Variants in AK8 observed in about 807,000 individuals in gnomAD.
AK8 encodes the protein adenylate kinase 8.
A neutral mutation model predicts 54.6 loss-of-function variants in AK8; 44 were observed. That is an observed-to-expected ratio of 0.81 (90% CI 0.63 to 1.04). The LOEUF (loss-of-function observed/expected upper bound fraction) is 1.04. Ranked by LOEUF, AK8 falls within the 50% of genes least tolerant of loss-of-function variation. AK8 has a pLI of 0.00. For synonymous variants in AK8, 239 were observed against 245.6 expected (o/e 0.97, Z 0.25); for missense variants, 555 against 613.6 (o/e 0.90, Z 1.01).
intron 10 of AK8, among the ~76,000 whole-genome samples, chr9:132,802,847 C>A (rs1443533702): frequency 6.6e-6 from 1 of 152,172 alleles, no homozygotes; most frequent in African/African-American, 2.4e-5. Context: ...CCCTGACCCA[C>A]TAAATCAGGA....
chr9:132,732,958 G>A (rs1590166223), intron 11 of AK8, among the ~76,000 whole-genome samples: 1 of 152,088 alleles, frequency 6.6e-6, no homozygotes, highest in African/African-American at 2.4e-5. Context: ...CTCCTTCGAG[G>A]CCAGCTTCTC....
intron 11 of AK8, among the ~76,000 whole-genome samples, chr9:132,777,958 C>T (rs1839298212): frequency 6.6e-6 from 1 of 152,234 alleles, no homozygotes; most frequent in African/African-American, 2.4e-5. Context: ...GCAAAAACCT[C>T]AATCCCCAAG....
chr9:132,738,216 G>C (rs1457762734), intron 11 of AK8, among the ~76,000 whole-genome samples: 1 of 152,042 alleles, frequency 6.6e-6, no homozygotes, highest in East Asian at 1.9e-4. Context: ...ACCACGCCCG[G>C]CTAATTTTTT....
intron 3 of AK8, among the ~76,000 whole-genome samples, chr9:132,865,550 G>A (rs1041894105): frequency 1.3e-5 from 2 of 152,156 alleles, no homozygotes; most frequent in South Asian, 2.1e-4. Context: ...GGCCGGGCAC[G>A]GTGGCTCACG....
intron 11 of AK8, among the ~76,000 whole-genome samples, chr9:132,746,615 T>C (rs1308061303): frequency 3.9e-5 from 6 of 152,234 alleles, no homozygotes. Flanking sequence ...ATCCATCACT[T>C]TCCTCTTCCA....
At chr9:132,795,301 A>G (rs1427907529) in intron 10 of AK8, among the ~76,000 whole-genome samples, 3 of 150,780 alleles carry the variant, frequency 2.0e-5, no homozygotes, top group African/African-American at 7.5e-5. Context: ...TCCAAGAGTC[A>G]CAGTGTTGGG....
intron 11 of AK8, among the ~76,000 whole-genome samples, chr9:132,780,667 T>C (rs947118261): frequency 6.6e-6 from 1 of 152,216 alleles, no homozygotes; most frequent in Admixed American, 6.5e-5. Flanking sequence ...GTTTCCAGTT[T>C]GCACAAAATG....
intron 2 of AK8, 42 bp downstream of exon 2, chr9:132,875,073 G>A (rs1409229404): frequency 6.2e-7 from 1 of 1,611,256 alleles, no homozygotes; most frequent in African/African-American, 1.3e-5. Context: ...AGGAGGAGGG[G>A]AAGGGAAGAC....
intron 1 of AK8, among the ~76,000 whole-genome samples, chr9:132,876,720 T>G (rs1426041129): frequency 6.6e-6 from 1 of 152,144 alleles, no homozygotes; most frequent in Non-Finnish European, 1.5e-5. Context: ...AACATTATTT[T>G]AAAATCAAAA....
At chr9:132,771,522 A>G (rs1838978978) in intron 11 of AK8, among the ~76,000 whole-genome samples, 1 of 152,230 alleles carries the variant, frequency 6.6e-6, no homozygotes, top group Admixed American at 6.5e-5. Flanking sequence ...GGGGTCCTTC[A>G]TGGACTGAAA....
chr9:132,774,279 T>C (rs1839111230), intron 11 of AK8, among the ~76,000 whole-genome samples: 1 of 151,902 alleles, frequency 6.6e-6, no homozygotes, highest in Admixed American at 6.5e-5. Context: ...TTGGGGGTGG[T>C]CTGGAATCTG....
chr9:132,757,136 G>A (rs775325543), intron 11 of AK8, among the ~76,000 whole-genome samples: 5 of 152,062 alleles, frequency 3.3e-5, no homozygotes, highest in Admixed American at 2.0e-4. Flanking sequence ...AACGGAATGC[G>A]TGTGTCCAGG....
chr9:132,875,198 T>C lies in AK8; in HGVS notation c.86A>G (p.Asn29Ser), dbSNP rs1219323400. The change falls in exon 2 of 13, where the codon AAC becomes AGC. Residue 29 changes from asparagine to serine, a missense_variant and splice_region_variant. Transcript: ENST00000298545. The stretch of plus-strand genomic sequence containing the variant: ...GTGGATCAGGAGTTGCTCCAGCATG[T>C]TCTGTGGGTGCAGGGCAGACACCCA... ...EENHIFELMQ[N>S]MLEQLLIHQP... is the part of the protein sequence containing the mutation. The C allele has an allele frequency of 1.2e-6, 2 of 1,614,094 alleles. No homozygotes were observed. The highest frequency in any genetic ancestry group is 1.7e-6 in the Non-Finnish European group (2 of 1,179,992).
chr9:132,777,550 T>C (rs906215561), intron 11 of AK8, among the ~76,000 whole-genome samples: 2 of 152,238 alleles, frequency 1.3e-5, no homozygotes, highest in Non-Finnish European at 2.9e-5. Flanking sequence ...ATCTCAGTTG[T>C]ACAGAGTATT....
intron 3 of AK8, among the ~76,000 whole-genome samples, chr9:132,864,345 C>T (rs1843506370): frequency 6.6e-6 from 1 of 152,182 alleles, no homozygotes; most frequent in Non-Finnish European, 1.5e-5. Flanking sequence ...GAAGGCCCTT[C>T]CAGGGCCTGG....
At chr9:132,842,496 G>T (rs1038415282) in intron 5 of AK8, among the ~76,000 whole-genome samples, 5 of 152,220 alleles carry the variant, frequency 3.3e-5, no homozygotes, top group Admixed American at 2.0e-4. Flanking sequence ...CTCATCTGGG[G>T]CTGGGCAAGG....
At chr9:132,771,080 G>C (rs552281463) in intron 11 of AK8, among the ~76,000 whole-genome samples, 2 of 152,212 alleles carry the variant, frequency 1.3e-5, no homozygotes, top group Admixed American at 1.3e-4. Context: ...GAGCACAGGA[G>C]TCCAGGGACT....
chr9:132,795,686 C>T (rs971153573), intron 10 of AK8, among the ~76,000 whole-genome samples: 2 of 152,130 alleles, frequency 1.3e-5, no homozygotes, highest in Admixed American at 6.5e-5. Context: ...CGCAGCAAGC[C>T]TGACTGCCAA....
In AK8 at chr9:132,826,920, G is replaced by A. The variant is rs768142703; in HGVS notation, c.691C>T (p.Pro231Ser). The change falls in exon 8 of 13, where the codon CCC (proline) becomes TCC (serine). Residue 231 changes from proline to serine, a missense_variant. By Grantham distance (74) the Pro-to-Ser change is moderately conservative. Transcript: ENST00000298545. This position sits in a 1 kb window ranked among gnomAD's most constrained non-coding sequence, Gnocchi z 4.5. ...ACTTTGAGGATTTTGGGGTAGGAGG[G>A]AATGACCCTGACGATGTTCCTATGA... ...EYHRNIVRVIPSYPKILKVIS... is the reference protein window; with the variant it reads ...EYHRNIVRVISSYPKILKVIS... 7 of 1,614,230 alleles carry A rather than the reference G, an allele frequency of 4.3e-6. No individual in the cohort carries two copies. Among genetic ancestry groups the A allele is most frequent in the Non-Finnish European group, 5.1e-6 (6 of 1,180,040 alleles).
Sources: allele counts gnomAD v4.1 joint callset (sites outside exome capture counted in the v4.1 genomes callset), GRCh38; gene constraint gnomAD v4.1.1; non-coding constraint Gnocchi (gnomAD v3.1); transcripts MANE v1.5; gene names NCBI Gene and HGNC (gene_info 2026-07-23, HGNC 2026-07-21).